Variants in PDCD10 observed in about 807,000 individuals in gnomAD.
The protein encoded by PDCD10 is programmed cell death protein 10.
PDCD10 carries 4 observed loss-of-function variants against 29.2 expected under a neutral mutation model. That is an observed-to-expected ratio of 0.14 (90% CI 0.07 to 0.31). The LOEUF is 0.31. Ranked by LOEUF, PDCD10 falls within the 10% of genes least tolerant of loss-of-function variation. The pLI, the probability that PDCD10 is intolerant of heterozygous loss-of-function variation, is 1.00. For missense variants in PDCD10, 183 were observed against 257.9 expected, an observed-to-expected ratio of 0.71 and a Z score of 1.99; for synonymous variants, 70 against 82.2, an observed-to-expected ratio of 0.85 and a Z score of 0.80.
rs773233656 is a variant in PDCD10 at position 167,687,252 on chromosome 3, G to A, written c.539C>T (p.Thr180Met). ...TACTTACTTGCCATCTTTAAAATAC[G>A]TTTTCAGAGTATCACTGAAACTTTT... The part of the protein sequence containing the change: ...YSKSFSDTLK[T>M]YFKDGKAINV... Residue 180 changes from threonine to methionine, a missense_variant, in exon 8 of 9, where the codon ACG becomes ATG. Transcript: ENST00000392750. The A allele has an allele frequency of 4.5e-6, 7 of 1,551,526 alleles. No individual in the cohort carries two copies. The highest frequency in any genetic ancestry group is 4.5e-5 in the South Asian group (4 of 89,304).
In PDCD10 at chr3:167,683,381, T is replaced by C. The variant is rs1320686909; in HGVS notation, c.*927A>G. On this transcript the variant is annotated 3_prime_UTR_variant, in exon 9 of 9. Coordinates refer to ENST00000392750, the MANE Select transcript of PDCD10 (RefSeq NM_007217.4). ...TGATACATAATTTCCTTAAAACTTC[T>C]CTATGGTGAAATAAAACTGTACCTA... 6.6e-6 allele frequency: 1 copy of C among 152,032 alleles called. No individual in the cohort carries two copies. The allele number at this position is 152,032 out of a possible 1,614,324, so 9.4% of individuals were successfully genotyped here.
intron 4 of PDCD10, among the ~76,000 whole-genome samples, chr3:167,701,320 T>G (rs1418760458): frequency 6.6e-6 from 1 of 152,164 alleles, no homozygotes; most frequent in African/African-American, 2.4e-5. Flanking sequence ...GATATATATA[T>G]AGATATCAGA....
At chr3:167,687,852 T>C (rs1182923688) in intron 6 of PDCD10, among the ~76,000 whole-genome samples, 159 bp from the exon 7 acceptor site, 1 of 152,194 alleles carries the variant, frequency 6.6e-6, no homozygotes, top group Non-Finnish European at 1.5e-5. Context: ...CAGCCAGCCT[T>C]TTCGGCTAGC....
At chr3:167,726,111 ACT>A (rs1491442776) in intron 2 of PDCD10, among the ~76,000 whole-genome samples, 1 of 134,698 alleles carries the variant, frequency 7.4e-6, no homozygotes, top group Non-Finnish European at 1.6e-5. Context: ...TTTGTAGAGT[ACT>A]GTTTTTTTTT....
Position 167,697,133 on chromosome 3 carries a change from T to C in PDCD10, c.151-7A>G, listed in dbSNP as rs749149905. 34 of 1,448,212 alleles carry C rather than the reference T, an allele frequency of 2.3e-5. No homozygotes were observed. In the Middle Eastern group the frequency reaches 5.2e-4, roughly 22 times the overall value. The allele number at this position is 1,448,212 out of a possible 1,614,324, so 89.7% of individuals were successfully genotyped here. A position where few individuals can be genotyped will look rare whatever the true frequency, so the allele number is the denominator to read the frequency against. ...CTGGATTTTCTTTTTCAGCCTATAA[T>C]AAAGAGAAAACTAGTTTTGAAATAC... is the stretch of plus-strand genomic sequence containing the variant. On this transcript the variant is annotated splice_region_variant and splice_polypyrimidine_tract_variant and intron_variant, in intron 4 of 8. Transcript: ENST00000392750.
chr3:167,709,431 G>A (rs1722306595), intron 3 of PDCD10, among the ~76,000 whole-genome samples: 1 of 152,146 alleles, frequency 6.6e-6, no homozygotes, highest in Non-Finnish European at 1.5e-5. Context: ...CACTTGGGTG[G>A]AGAGAGCACA....
At chr3:167,694,950 G>A (rs1720649381) in intron 6 of PDCD10, among the ~76,000 whole-genome samples, 1 of 152,284 alleles carries the variant, frequency 6.6e-6, no homozygotes, top group Non-Finnish European at 1.5e-5. Flanking sequence ...TATCCACTGA[G>A]GCTGAAGAAA....
At chr3:167,705,889 A>G (rs1721920026) in intron 3 of PDCD10, among the ~76,000 whole-genome samples, 1 of 152,226 alleles carries the variant, frequency 6.6e-6, no homozygotes, top group Non-Finnish European at 1.5e-5. Context: ...CTAAGATTAA[A>G]ATAACAATAT....
chr3:167,698,038 T>C (rs190310391), intron 4 of PDCD10: 4 of 455,972 alleles, frequency 8.8e-6, no homozygotes, highest in Non-Finnish European at 1.8e-5. Context: ...GGCAATCTTT[T>C]TGTTTCCTTA....
intron 2 of PDCD10, among the ~76,000 whole-genome samples, chr3:167,726,114 G>GTTTTTTT: frequency 2.3e-5 from 2 of 85,764 alleles, no homozygotes; most frequent in African/African-American, 4.7e-5. Context: ...GTAGAGTACT[G>GTTTTTTT]TTTTTTTTTT....
At chr3:167,734,492 C>T (rs1725188358) in intron 1 of PDCD10, 142 bp from the exon 2 acceptor site, 1 of 152,752 alleles carries the variant, frequency 6.5e-6, no homozygotes, top group Non-Finnish European at 1.5e-5. Flanking sequence ...CAAAGGACCC[C>T]ACCCCAGGCA....
chr3:167,688,534 T>C (rs776455046), intron 6 of PDCD10, among the ~76,000 whole-genome samples: 4 of 152,028 alleles, frequency 2.6e-5, no homozygotes, highest in African/African-American at 9.7e-5. Flanking sequence ...TTTTCTGAAC[T>C]TTTTTTTGCC....
intron 6 of PDCD10, 147 bp downstream of exon 6, chr3:167,695,449 A>G: frequency 1.4e-6 from 1 of 720,512 alleles, no homozygotes; most frequent in South Asian, 1.6e-5. Context: ...AAACGCCATA[A>G]AGTTAATAAA....
chr3:167,732,099 T>G (rs1233570538), intron 2 of PDCD10, among the ~76,000 whole-genome samples: 1 of 152,194 alleles, frequency 6.6e-6, no homozygotes, highest in Non-Finnish European at 1.5e-5. Flanking sequence ...ATTTGAATAT[T>G]TAAGTCACGT....
chr3:167,690,527 G>A (rs529949800), intron 6 of PDCD10, among the ~76,000 whole-genome samples: 4 of 152,200 alleles, frequency 2.6e-5, no homozygotes, highest in South Asian at 2.1e-4. Context: ...GTTAAATCAC[G>A]AGTCTCCACT....
At position 167,687,688 on chromosome 3, in the gene PDCD10, A is replaced by G. The variant is rs1266044962; in HGVS notation, c.401T>C (p.Ile134Thr). The G allele has an allele frequency of 2.6e-6, 4 of 1,531,424 alleles. No homozygotes were observed. The highest frequency in any genetic ancestry group is 2.2e-5 in the East Asian group (1 of 44,486). The allele number at this position is 1,531,424 out of a possible 1,614,324, so 94.9% of individuals were successfully genotyped here. A position where few individuals can be genotyped will look rare whatever the true frequency, so the allele number is the denominator to read the frequency against. The change falls in exon 7 of 9, where the codon ATA becomes ACA. Residue 134 changes from isoleucine to threonine, a missense_variant. Physicochemically the swap from Ile to Thr is moderately conservative, Grantham distance 89. Transcript: ENST00000392750. ...AAGAAGTTCTTTTATTGCACTAGCTATATCCCTGTTGGGAAAAGAATAAAG... is the reference window on the plus strand; with the variant it reads ...AAGAAGTTCTTTTATTGCACTAGCTGTATCCCTGTTGGGAAAAGAATAAAG... ...RVRFLQTIKD[I>T]ASAIKELLDT...
intron 3 of PDCD10, among the ~76,000 whole-genome samples, chr3:167,711,447 C>T (rs1173548321): frequency 6.6e-6 from 1 of 152,088 alleles, no homozygotes; most frequent in African/African-American, 2.4e-5. Context: ...AATTAGTGAG[C>T]TTGAAGACAG....
chr3:167,697,391 A>G lies in PDCD10; in HGVS notation c.151-265T>C, dbSNP rs1432691195. Among the ~76,000 whole-genome samples the G allele has an allele frequency of 2.6e-5, 4 of 152,168 alleles. No homozygotes were observed. The South Asian group carries it at 8.3e-4, about 32-fold the overall frequency. ...CTACTCTTCTTTATACTCTTTTGCA[A>G]TTGAACTAATAACAAAGATAGAATT... On this transcript the variant is annotated intron_variant, in intron 4 of 8. Transcript: ENST00000392750.
At chr3:167,698,293 TAAC>T (rs1181826974) in intron 4 of PDCD10, among the ~76,000 whole-genome samples, 1 of 152,220 alleles carries the variant, frequency 6.6e-6, no homozygotes, top group Non-Finnish European at 1.5e-5. Context: ...AGATGATTAA[TAAC>T]AATAAACTGT....
Sources: gnomAD v4.1 joint callset for allele counts (sites outside exome capture counted in the v4.1 genomes callset) on GRCh38, gnomAD v4.1.1 for gene constraint, MANE v1.5 for transcripts, NCBI Gene and HGNC (gene_info 2026-07-23, HGNC 2026-07-21) for gene names.